The following DSCAM variants were observed in gnomAD, a reference collection of about 807,000 sequenced individuals.
The protein encoded by DSCAM is DS cell adhesion molecule, also known as cell adhesion molecule DSCAM.
A neutral mutation model predicts 217.7 loss-of-function variants in DSCAM; 47 were observed. The observed-to-expected ratio is 0.22, with a 90% CI of 0.17 to 0.28. DSCAM has a LOEUF of 0.28. Among genes scored for constraint, DSCAM ranks in the 10% least tolerant of loss-of-function variants. The probability of loss-of-function intolerance (pLI) is 1.00; values close to 1 mark genes in which losing one functional copy is unlikely to be tolerated. For missense variants in DSCAM, 2,080 were observed against 2,618.3 expected (o/e 0.79, Z 4.49); for synonymous variants, 1,056 against 1,015.3 (o/e 1.04, Z -0.76).
chr21:40,324,477 G>A (rs1177917497), intron 8 of DSCAM, among the ~76,000 whole-genome samples: 1 of 152,158 alleles, frequency 6.6e-6, no homozygotes, highest in Non-Finnish European at 1.5e-5. Context: ...AGGGGAATGT[G>A]GTGGAAAGAA....
chr21:40,387,461 G>C (rs2075097144), intron 3 of DSCAM, among the ~76,000 whole-genome samples: 1 of 152,048 alleles, frequency 6.6e-6, no homozygotes, highest in Admixed American at 6.5e-5. Context: ...CCTTGCTCTG[G>C]TTTGGGATTT....
At chr21:40,093,427 C>T (rs1300007913) in intron 21 of DSCAM, among the ~76,000 whole-genome samples, 2 of 152,048 alleles carry the variant, frequency 1.3e-5, no homozygotes, top group Admixed American at 6.5e-5. Flanking sequence ...GGGAAAATGC[C>T]GTGTAATGAT....
intron 1 of DSCAM, among the ~76,000 whole-genome samples, chr21:40,758,670 T>C (rs1490706931): frequency 3.9e-4 from 60 of 152,108 alleles, no homozygotes; most frequent in Admixed American, 3.9e-3. Flanking sequence ...CAACTCCGGT[T>C]TTGTCATCAG....
At chr21:40,366,649 G>A (rs1228789189) in intron 4 of DSCAM, among the ~76,000 whole-genome samples, 2 of 151,904 alleles carry the variant, frequency 1.3e-5, no homozygotes, top group African/African-American at 2.4e-5. Context: ...AGTTGTGTTG[G>A]GTTAAATCTT....
In DSCAM at chr21:40,694,639, G is replaced by A. The variant is rs1043612828; in HGVS notation, c.362-1683C>T. Among the ~76,000 whole-genome samples, 58 of 151,264 alleles carry A rather than the reference G, an allele frequency of 3.8e-4. 1 individual carries two copies. The highest frequency in any genetic ancestry group is 3.4e-3 in the Admixed American group (52 of 15,188). On this transcript the variant is annotated intron_variant, in intron 2 of 32. Transcript: ENST00000400454. ...TTTTCCAAGTATTGAAATCTTCTGC[G>A]ACCCCCATCACTGTAATCCCCAAGC...
chr21:40,603,758 T>C (rs2077080324), intron 3 of DSCAM, among the ~76,000 whole-genome samples: 1 of 152,104 alleles, frequency 6.6e-6, no homozygotes. Context: ...TACATTTCAC[T>C]CCACTCTCTT....
intron 3 of DSCAM, among the ~76,000 whole-genome samples, chr21:40,543,456 G>T (rs1196052719): frequency 6.6e-6 from 1 of 152,208 alleles, no homozygotes; most frequent in Non-Finnish European, 1.5e-5. Context: ...TCTGGGGTAG[G>T]TCATGTCCTA....
intron 20 of DSCAM, among the ~76,000 whole-genome samples, chr21:40,115,111 A>T (rs552985693): frequency 6.6e-6 from 1 of 152,336 alleles, no homozygotes; most frequent in East Asian, 1.9e-4. Context: ...AGACACATGC[A>T]CACGTATGTT....
rs537722756 is a variant in DSCAM, at chr21:40,686,142, C to T, written c.508+6668G>A. On this transcript the variant is annotated intron_variant, in intron 3 of 32. Coordinates refer to ENST00000400454, the MANE Select transcript of DSCAM (RefSeq NM_001389.5). ...ACACAGATACAGAGCACACACATCA[C>T]ACACACCCCCTGCATATATCACACA... 7.2e-4 allele frequency among the ~76,000 whole-genome samples: 109 copies of T among 150,552 alleles called. 3 individuals are homozygous for T. The East Asian group carries it at 0.017, about 23-fold the overall frequency.
intron 3 of DSCAM, among the ~76,000 whole-genome samples, chr21:40,656,947 T>C (rs987815078): frequency 2.0e-5 from 3 of 152,248 alleles, no homozygotes; most frequent in Non-Finnish European, 4.4e-5. Flanking sequence ...GCATGAAGCA[T>C]TGTTCCACCT....
chr21:40,432,681 C>A (rs1052675339), intron 3 of DSCAM, among the ~76,000 whole-genome samples: 31 of 152,152 alleles, frequency 2.0e-4, no homozygotes, highest in African/African-American at 9.6e-5. Context: ...ATCAACGAAG[C>A]CAGAAGATGA....
chr21:40,280,165 C>T (rs1212977932), intron 10 of DSCAM, among the ~76,000 whole-genome samples: 8 of 145,122 alleles, frequency 5.5e-5, no homozygotes, highest in African/African-American at 2.0e-4. Flanking sequence ...TGAAAGTTCA[C>T]AGCAGATTTT....
chr21:40,229,874 T>A (rs1292965879), intron 11 of DSCAM, among the ~76,000 whole-genome samples: 1 of 152,200 alleles, frequency 6.6e-6, no homozygotes, highest in Admixed American at 6.5e-5. Context: ...AGGTGTACAA[T>A]TGCTGGATCC....
chr21:40,177,913 A>G (rs1037046261), intron 15 of DSCAM, among the ~76,000 whole-genome samples: 10 of 152,356 alleles, frequency 6.6e-5, no homozygotes, highest in African/African-American at 2.4e-4. Flanking sequence ...GGGTGTGGCA[A>G]TCACCTTAAT....
At chr21:40,259,343 T>G (rs1380975475) in intron 11 of DSCAM, among the ~76,000 whole-genome samples, 1 of 152,076 alleles carries the variant, frequency 6.6e-6, no homozygotes, top group Non-Finnish European at 1.5e-5. Context: ...CCATAGGGCC[T>G]TTTCTCTGGT....
intron 1 of DSCAM, among the ~76,000 whole-genome samples, chr21:40,729,323 A>G (rs1276239316): frequency 6.6e-6 from 1 of 152,240 alleles, no homozygotes. Context: ...GAACCCTTTA[A>G]GAATGAGAAG....
At chr21:40,762,034 C>T (rs56060434) in intron 1 of DSCAM, among the ~76,000 whole-genome samples, 11,336 of 152,188 alleles carry the variant, frequency 0.074, 516 homozygotes, top group Non-Finnish European at 0.088. Flanking sequence ...AACACCCTAA[C>T]ATCACAGTTA....
chr21:40,030,046 A>G (rs993652233), intron 32 of DSCAM, among the ~76,000 whole-genome samples: 23 of 152,366 alleles, frequency 1.5e-4, no homozygotes, highest in Non-Finnish European at 2.8e-4. Context: ...ACAAGTACAC[A>G]TGCATGGACA....
intron 3 of DSCAM, among the ~76,000 whole-genome samples, chr21:40,686,409 G>A (rs56347219): frequency 0.86 from 130,902 of 151,990 alleles, 56,703 homozygotes; most frequent in East Asian, 1. Context: ...CCACACACAC[G>A]TATGCACACA....
Sources: gnomAD v4.1 joint callset for allele counts (sites outside exome capture counted in the v4.1 genomes callset) on GRCh38, gnomAD v4.1.1 for gene constraint, MANE v1.5 for transcripts, NCBI Gene and HGNC (gene_info 2026-07-23, HGNC 2026-07-21) for gene names.